Variants in FGF13 observed in about 807,000 individuals in gnomAD.
FGF13 encodes the protein fibroblast growth factor 13, also known as fibroblast growth factor homologous factor 2.
FGF13 carries 2 observed loss-of-function variants against 19.5 expected under a neutral mutation model. The observed-to-expected ratio is 0.10, with a 90% CI of 0.04 to 0.32. The LOEUF (loss-of-function observed/expected upper bound fraction) is 0.32, where lower values mean the gene tolerates loss of function less well. Ranked by LOEUF, FGF13 falls within the 10% of genes least tolerant of loss-of-function variation. FGF13 has a pLI of 1.00. For synonymous variants in FGF13, 72 were observed against 76.9 expected (o/e 0.94, Z 0.33); for missense variants, 113 against 192.7 (o/e 0.59, Z 2.45).
chrX:138,878,336 G>A (rs1383426631), intron 1 of FGF13, among the ~76,000 whole-genome samples: 1 of 79,267 alleles, frequency 1.3e-5, no homozygotes, highest in East Asian at 4.2e-4. Context: ...AGAGTGTGAT[G>A]TTCCCCTTCC....
At chrX:139,159,892 G>GA (rs2084014695) in intron 1 of FGF13, among the ~76,000 whole-genome samples, 1 of 110,908 alleles carries the variant, frequency 9.0e-6, no homozygotes, top group African/African-American at 3.3e-5. Flanking sequence ...ATAATACTGG[G>GA]AGACTTTAAC....
At chrX:138,739,427 T>C, upstream of FGF13, 1 of 414,791 alleles carries the variant, frequency 2.4e-6, no homozygotes, top group Non-Finnish European at 4.0e-6. Context: ...AGAGAGATCA[T>C]TAATGGGCAT....
At chrX:138,875,068 C>T (rs1486956550) in intron 1 of FGF13, among the ~76,000 whole-genome samples, 3 of 109,163 alleles carry the variant, frequency 2.7e-5, no homozygotes, top group Non-Finnish European at 3.8e-5. Flanking sequence ...GGTGAAACCC[C>T]GTCTCTACTA....
At chrX:138,927,953 TA>T (rs1257924828) in intron 1 of FGF13, among the ~76,000 whole-genome samples, 1 of 112,146 alleles carries the variant, frequency 8.9e-6, no homozygotes, top group African/African-American at 3.2e-5. Context: ...TAAAGCTATT[TA>T]TCGGAATAAT....
intron 3 of FGF13, among the ~76,000 whole-genome samples, chrX:138,826,552 C>G (rs1363127967): frequency 9.0e-6 from 1 of 111,663 alleles, no homozygotes; most frequent in Non-Finnish European, 1.9e-5. Flanking sequence ...ATATATATTC[C>G]AGTTATGAAA....
intron 1 of FGF13, among the ~76,000 whole-genome samples, chrX:138,919,339 T>A (rs900465928): frequency 1.8e-5 from 2 of 111,874 alleles, no homozygotes; most frequent in Non-Finnish European, 3.8e-5. Flanking sequence ...AAAGCTCTAA[T>A]GACTTTATCA....
intron 3 of FGF13, among the ~76,000 whole-genome samples, chrX:138,819,502 C>G (rs761504059): frequency 9.0e-6 from 1 of 111,582 alleles, no homozygotes; most frequent in African/African-American, 3.2e-5. Flanking sequence ...GCCTCCAGAT[C>G]CTTCTCTGAG....
Position 138,945,173 on chromosome X carries a change from TGTA to T in FGF13, c.-112-80526_-112-80524del, listed in dbSNP as rs762123695. Among the ~76,000 whole-genome samples, 419 of 111,065 alleles carry T rather than the reference TGTA, an allele frequency of 3.8e-3. 3 individuals carry two copies. The highest frequency in any genetic ancestry group is 0.012 in the African/African-American group (377 of 30,548). On this transcript the variant is annotated intron_variant, in intron 1 of 2. Coordinates refer to the FGF13 transcript ENST00000421460. The stretch of plus-strand genomic sequence containing the variant: ...AATCTGCAGGATCCCATGATAGACA[TGTA>T]GTATAATGGAGGGCTTGAATTTTTG...
At chrX:138,797,743 A>T (rs1327514305) in intron 3 of FGF13, among the ~76,000 whole-genome samples, 4 of 110,810 alleles carry the variant, frequency 3.6e-5, no homozygotes, top group Non-Finnish European at 7.6e-5. Context: ...TTCCTTGAGC[A>T]GTGGTTTGTT....
At chrX:138,897,972 C>G (rs751537201) in intron 1 of FGF13, among the ~76,000 whole-genome samples, 2 of 111,550 alleles carry the variant, frequency 1.8e-5, no homozygotes, top group South Asian at 7.6e-4. Flanking sequence ...AACACCCTCT[C>G]AGGCTTTCAG....
intron 3 of FGF13, among the ~76,000 whole-genome samples, chrX:138,696,904 C>T (rs1384857576): frequency 8.9e-6 from 1 of 112,211 alleles, no homozygotes; most frequent in Non-Finnish European, 1.9e-5. Flanking sequence ...TCAAATGCAT[C>T]TCTCTAAATG....
intron 3 of FGF13, among the ~76,000 whole-genome samples, chrX:138,671,395 T>G (rs978466870): frequency 1.8e-5 from 2 of 111,983 alleles, no homozygotes; most frequent in Admixed American, 1.9e-4. Flanking sequence ...TATCAATATC[T>G]TTTCCTCATA....
intron 3 of FGF13, among the ~76,000 whole-genome samples, chrX:138,771,197 T>C (rs1418451524): frequency 8.9e-6 from 1 of 111,854 alleles, no homozygotes; most frequent in Non-Finnish European, 1.9e-5. Context: ...ATTATGTAAG[T>C]TGGTTGTACT....
chrX:139,056,595 C>CTT (rs1242734619), intron 1 of FGF13, among the ~76,000 whole-genome samples: 1 of 112,367 alleles, frequency 8.9e-6, no homozygotes, highest in Non-Finnish European at 1.9e-5. Context: ...GGTATGAAAG[C>CTT]AATAAACATC....
Position 138,628,959 on chromosome X carries a change from T to C in FGF13, c.*3891A>G, listed in dbSNP as rs2089090026. On this transcript the variant is annotated 3_prime_UTR_variant, in exon 5 of 5. Transcript: ENST00000315930. Reference sequence around the variant, plus strand: ...AAAGTTGCAAAAAGCCTGAAGAAAGTGTTGTTTTCTTTTCCATATTCATTC... The same window carrying C: ...AAAGTTGCAAAAAGCCTGAAGAAAGCGTTGTTTTCTTTTCCATATTCATTC... 8.9e-6 allele frequency: 1 copy of C among 112,058 alleles called. No homozygotes were observed. The highest frequency in any genetic ancestry group is 3.7e-4 in the South Asian group (1 of 2,695). The allele number at this position is 112,058 out of a possible 1,213,427, so 9.2% of individuals were successfully genotyped here. A position where few individuals can be genotyped will look rare whatever the true frequency, so the allele number is the denominator to read the frequency against.
chrX:138,955,319 C>T (rs34163788), intron 1 of FGF13, among the ~76,000 whole-genome samples: 350 of 112,197 alleles, frequency 3.1e-3, no homozygotes, highest in Non-Finnish European at 5.4e-3. Flanking sequence ...TGCCATGTTT[C>T]CTGTGTTCCC....
intron 3 of FGF13, among the ~76,000 whole-genome samples, chrX:138,642,483 G>A (rs1437074047): frequency 4.5e-5 from 5 of 110,976 alleles, no homozygotes; most frequent in African/African-American, 1.6e-4. Flanking sequence ...GATGATCTAG[G>A]GTGAAAGAAG....
At chrX:139,012,115 T>A (rs79984710) in intron 1 of FGF13, among the ~76,000 whole-genome samples, 1 of 110,953 alleles carries the variant, frequency 9.0e-6, no homozygotes, top group South Asian at 3.8e-4. Flanking sequence ...TAAAATAAAA[T>A]ACTTAGGAAT....
intron 1 of FGF13, among the ~76,000 whole-genome samples, chrX:139,110,768 A>G (rs1258805026): frequency 8.9e-6 from 1 of 112,111 alleles, no homozygotes; most frequent in Non-Finnish European, 1.9e-5. Context: ...GAGTATTCAC[A>G]GCAATATTTG....
Sources: allele counts gnomAD v4.1 joint callset (sites outside exome capture counted in the v4.1 genomes callset), GRCh38; gene constraint gnomAD v4.1.1; transcripts MANE v1.5; gene names NCBI Gene and HGNC (gene_info 2026-07-23, HGNC 2026-07-21).